Variants in HHIP observed in about 807,000 individuals in gnomAD.
HHIP encodes hedgehog interacting protein, also known as hedgehog-interacting protein.
A neutral mutation model predicts 74.0 loss-of-function variants in HHIP; 12 were observed. The ratio of observed to expected loss-of-function variants is 0.16; its 90% CI spans 0.10 to 0.26. The LOEUF (loss-of-function observed/expected upper bound fraction) is 0.26. Among genes scored for constraint, HHIP ranks in the 10% least tolerant of loss-of-function variants. HHIP has a pLI of 1.00. For missense variants in HHIP, 788 were observed against 845.0 expected (o/e 0.93, Z 0.84); for synonymous variants, 309 against 311.6 (o/e 0.99, Z 0.09).
In HHIP at chr4:144,712,055, A is replaced by G. The variant is rs1355881069; in HGVS notation, c.1407A>G (p.Ile469Met). 1.9e-6 allele frequency: 3 copies of G among 1,612,800 alleles called. No individual in the cohort carries two copies. The highest frequency in any genetic ancestry group is 1.7e-6 in the Non-Finnish European group (2 of 1,179,118). ...NRSSARILQI[I>M]KGKDYESEPS... ...CATCAGCCAGAATTCTACAGATAATAAAGGGGAAAGATTATGGTATGTAGA... is the reference window on the plus strand; with the variant it reads ...CATCAGCCAGAATTCTACAGATAATGAAGGGGAAAGATTATGGTATGTAGA... Residue 469 changes from isoleucine to methionine, a missense_variant, in exon 8 of 13, where the codon ATA (isoleucine) becomes ATG (methionine). Ile to Met is a conservative substitution (Grantham distance 10). This residue lies in a region of HHIP where 343 missense variants were observed against 347.9 expected (regional missense o/e 0.99). Coordinates refer to ENST00000296575, the MANE Select transcript of HHIP (RefSeq NM_022475.3).
rs971908127 is a variant in HHIP, at chr4:144,744,021, C to T, written c.*6064C>T. ...TTTCCTAATACTGTTATGAAGAAAC[C>T]AAGTTGACTACCTTATGAGAGATCA... On this transcript the variant is annotated 3_prime_UTR_variant, in exon 13 of 13. Transcript: ENST00000296575. 4 of 151,716 alleles carry T rather than the reference C, an allele frequency of 2.6e-5. No individual in the cohort carries two copies. The highest frequency in any genetic ancestry group is 9.7e-5 in the African/African-American group (4 of 41,298). The allele number at this position is 151,716 out of a possible 1,614,324, so 9.4% of individuals were successfully genotyped here.
In HHIP at chr4:144,700,778, G is replaced by A. The variant is rs12054600; in HGVS notation, c.832-5753G>A. Among the ~76,000 whole-genome samples, 3 of 152,298 alleles carry A rather than the reference G, an allele frequency of 2.0e-5. No homozygotes were observed. In the East Asian group the frequency reaches 5.8e-4, roughly 29 times the overall value. ...ATTTATTATAACCTGTGAGACCCAT[G>A]TTGAACTCTAATCTACAAATTAAGA... On this transcript the variant is annotated intron_variant, in intron 4 of 12. Transcript: ENST00000296575.
Position 144,652,639 on chromosome 4 carries a change from A to T in HHIP, c.314A>T (p.Lys105Met), listed in dbSNP as rs200595398. 6.2e-7 allele frequency: 1 copy of T among 1,610,272 alleles called. No homozygotes were observed. The highest frequency in any genetic ancestry group is 8.5e-7 in the Non-Finnish European group (1 of 1,178,144). ...GTTACCAACAACACAGAATGTGGGA[A>T]GTTACTGGAGGAAATCAAATGTGCA... Reference protein sequence around the residue: ...FSVTNNTECGKLLEEIKCALC... With the variant: ...FSVTNNTECGMLLEEIKCALC... Residue 105 changes from lysine to methionine, a missense_variant, in exon 2 of 13, where the codon AAG becomes ATG. Physicochemically the swap from Lys to Met is moderately conservative, Grantham distance 95. Coordinates refer to ENST00000296575, the MANE Select transcript of HHIP (RefSeq NM_022475.3).
intron 7 of HHIP, among the ~76,000 whole-genome samples, chr4:144,709,539 G>C (rs1347322998): frequency 6.6e-6 from 1 of 152,162 alleles, no homozygotes; most frequent in Non-Finnish European, 1.5e-5. Context: ...TGGTGGCAGA[G>C]GGCTGAAGGA....
At chr4:144,679,343 T>C (rs1240310441) in intron 4 of HHIP, among the ~76,000 whole-genome samples, 1 of 152,240 alleles carries the variant, frequency 6.6e-6, no homozygotes, top group Non-Finnish European at 1.5e-5. Flanking sequence ...TTCTCTCTGA[T>C]GATAGTTTCT....
chr4:144,706,614 C>G lies in HHIP; in HGVS notation c.915C>G (p.Thr305=), dbSNP rs530636439. 1 of 1,613,656 alleles carries G rather than the reference C, an allele frequency of 6.2e-7. No homozygotes were observed. The highest frequency in any genetic ancestry group is 1.1e-5 in the South Asian group (1 of 91,014). ...KNGKLYVSYT[T]NQERWAIGPH... Reference sequence around the variant, plus strand: ...GAAAGTTGTATGTGTCCTATACCACCAACCAAGAACGGTGGGCTATCGGGC... The same window carrying G: ...GAAAGTTGTATGTGTCCTATACCACGAACCAAGAACGGTGGGCTATCGGGC... The change falls in exon 5 of 13, where the codon ACC becomes ACG. Residue 305 remains threonine (T), a synonymous_variant. Transcript: ENST00000296575.
intron 4 of HHIP, among the ~76,000 whole-genome samples, chr4:144,698,996 A>C (rs1729900930): frequency 6.6e-6 from 1 of 152,174 alleles, no homozygotes; most frequent in Non-Finnish European, 1.5e-5. Context: ...TTCTGACACC[A>C]AATGAGAGGT....
At chr4:144,700,510 T>C (rs1341442109) in intron 4 of HHIP, among the ~76,000 whole-genome samples, 3 of 152,078 alleles carry the variant, frequency 2.0e-5, no homozygotes, top group African/African-American at 7.2e-5. Flanking sequence ...AAACAGCACA[T>C]AGGGAGATTA....
intron 7 of HHIP, among the ~76,000 whole-genome samples, chr4:144,708,970 T>C (rs1385482716): frequency 6.6e-6 from 1 of 152,164 alleles, no homozygotes; most frequent in Non-Finnish European, 1.5e-5. Context: ...CTAAAAAGTA[T>C]GTAGGGTGGG....
In HHIP at chr4:144,654,391, TG is replaced by T. The variant is rs371630135; in HGVS notation, c.472+1595del. On this transcript the variant is annotated intron_variant, in intron 2 of 12. Transcript: ENST00000296575. ...AAGTGCTTTTGGTGGCCACCCAGGC[TG>T]CTTTGAAAGATAACCAGATGAAAGC... Among the ~76,000 whole-genome samples, 56 of 152,278 alleles carry T rather than the reference TG, an allele frequency of 3.7e-4. 1 individual carries two copies. The East Asian group carries it at 9.1e-3, about 25-fold the overall frequency.
chr4:144,656,845 G>A (rs1728572383), intron 2 of HHIP, among the ~76,000 whole-genome samples: 1 of 151,556 alleles, frequency 6.6e-6, no homozygotes, highest in African/African-American at 2.4e-5. Context: ...AACACTATTA[G>A]GCAGTTTTCA....
intron 4 of HHIP, among the ~76,000 whole-genome samples, chr4:144,697,049 TA>T (rs1729841422): frequency 6.6e-6 from 1 of 152,032 alleles, no homozygotes; most frequent in Non-Finnish European, 1.5e-5. Flanking sequence ...GAATTTTTTT[TA>T]AATTTTTTGT....
At chr4:144,691,904 A>C (rs560622700) in intron 4 of HHIP, among the ~76,000 whole-genome samples, 1 of 152,058 alleles carries the variant, frequency 6.6e-6, no homozygotes, top group African/African-American at 2.4e-5. Context: ...TAGAAAAAAA[A>C]AATTTTCCTA....
intron 4 of HHIP, among the ~76,000 whole-genome samples, chr4:144,700,914 C>T (rs1461525456): frequency 1.3e-5 from 2 of 152,134 alleles, no homozygotes; most frequent in Non-Finnish European, 2.9e-5. Flanking sequence ...CTCAAACAAA[C>T]CTGTTTTGCC....
At chr4:144,671,273 C>A (rs1729030499) in intron 4 of HHIP, among the ~76,000 whole-genome samples, 3 of 151,590 alleles carry the variant, frequency 2.0e-5, no homozygotes, top group Admixed American at 6.6e-5. Context: ...TGCATAAATT[C>A]CTTAATTGCA....
intron 10 of HHIP, among the ~76,000 whole-genome samples, chr4:144,716,074 T>C (rs1730438152): frequency 1.3e-5 from 2 of 152,260 alleles, no homozygotes; most frequent in African/African-American, 4.8e-5. Flanking sequence ...GTAAAAATTT[T>C]ATTCTCTACT....
chr4:144,706,952 C>T, intron 5 of HHIP, 135 bp from the exon 6 acceptor site: 2 of 763,892 alleles, frequency 2.6e-6, no homozygotes, highest in Non-Finnish European at 2.1e-6. Context: ...TTTCTGTTAG[C>T]TCCATTTCAA....
At chr4:144,726,113 G>A (rs1730798069) in intron 11 of HHIP, among the ~76,000 whole-genome samples, 2 of 152,008 alleles carry the variant, frequency 1.3e-5, no homozygotes, top group Admixed American at 1.3e-4. Context: ...ATCAATTATG[G>A]TTTATGAATT....
chr4:144,688,632 T>C (rs1729550573), intron 4 of HHIP, among the ~76,000 whole-genome samples: 1 of 152,212 alleles, frequency 6.6e-6, no homozygotes. Context: ...GTCTATTTTA[T>C]CCTTTAAAAG....
Sources: allele counts gnomAD v4.1 joint callset (sites outside exome capture counted in the v4.1 genomes callset), GRCh38; gene constraint gnomAD v4.1.1; regional missense constraint gnomAD v4.1.1; transcripts MANE v1.5; gene names NCBI Gene and HGNC (gene_info 2026-07-23, HGNC 2026-07-21).